Variants in TCP11 observed in about 807,000 individuals in gnomAD.
The protein encoded by TCP11 is t-complex 11.
TCP11 carries 34 observed loss-of-function variants against 45.0 expected under a neutral mutation model. The ratio of observed to expected loss-of-function variants is 0.76; its 90% CI spans 0.57 to 1.01. TCP11 has a LOEUF of 1.01. Ranked by LOEUF, TCP11 falls within the 50% of genes least tolerant of loss-of-function variation. The probability of loss-of-function intolerance (pLI) is 0.00; values close to 1 mark genes in which losing one functional copy is unlikely to be tolerated. For missense variants in TCP11, 523 were observed against 598.1 expected, an observed-to-expected ratio of 0.87 and a Z score of 1.31; for synonymous variants, 227 against 227.0, an observed-to-expected ratio of 1.00 and a Z score of 0.00.
Position 35,118,521 on chromosome 6 carries a change from C to T in TCP11, c.1280-20G>A, listed in dbSNP as rs1332810949. ...GCTGATCTGTGAGCAGGAAAAGACA[C>T]TGATAAGGGAAAAGGCAAACAGATT... is the stretch of plus-strand genomic sequence containing the variant. On this transcript the variant is annotated intron_variant, in intron 9 of 9. Transcript: ENST00000311875. 2 of 1,606,194 alleles carry T rather than the reference C, an allele frequency of 1.2e-6. No homozygotes were observed. Among genetic ancestry groups the T allele is most frequent in the East Asian group, 2.2e-5 (1 of 44,840 alleles).
At chr6:35,130,731 T>C (rs1407982055) in intron 3 of TCP11, among the ~76,000 whole-genome samples, 1 of 152,106 alleles carries the variant, frequency 6.6e-6, no homozygotes, top group Non-Finnish European at 1.5e-5. Context: ...CTGACCAGGA[T>C]ATAGAGAAAT....
intron 5 of TCP11, among the ~76,000 whole-genome samples, chr6:35,121,879 T>C (rs1410315015): frequency 1.3e-5 from 2 of 151,412 alleles, no homozygotes; most frequent in Admixed American, 1.3e-4. Context: ...AAGTATGTAC[T>C]GTAGTGTCTT....
At chr6:35,139,256 C>A (rs1781455287) in intron 2 of TCP11, among the ~76,000 whole-genome samples, 1 of 150,766 alleles carries the variant, frequency 6.6e-6, no homozygotes, top group South Asian at 2.1e-4. Context: ...CAAGACGTTG[C>A]AATTTTAAAA....
At chr6:35,134,289 TTTTTTGG>T (rs1780802892) in intron 3 of TCP11, among the ~76,000 whole-genome samples, 1 of 140,218 alleles carries the variant, frequency 7.1e-6, no homozygotes. Flanking sequence ...TTTTTTTTTT[TTTTTTGG>T]TTTTGTTTTG....
chr6:35,129,185 A>G lies in TCP11; in HGVS notation c.237-3T>C, dbSNP rs763626598. 17 of 1,611,478 alleles carry G rather than the reference A, an allele frequency of 1.1e-5. No homozygotes were observed. Among genetic ancestry groups the G allele is most frequent in the Admixed American group, 6.8e-5 (4 of 59,240 alleles). ...TCTCCTTGACCTTGCCTTCCAGACTATAAGAGGGTTAAATGAGCAGATTAC... is the reference window on the plus strand; with the variant it reads ...TCTCCTTGACCTTGCCTTCCAGACTGTAAGAGGGTTAAATGAGCAGATTAC... On this transcript the variant is annotated splice_region_variant and splice_polypyrimidine_tract_variant and intron_variant, in intron 3 of 9. Coordinates refer to ENST00000311875, the MANE Select transcript of TCP11 (RefSeq NM_001370687.1).
intron 3 of TCP11, among the ~76,000 whole-genome samples, chr6:35,134,480 C>T (rs907682380): frequency 5.9e-5 from 9 of 151,808 alleles, no homozygotes; most frequent in African/African-American, 2.2e-4. Flanking sequence ...AGGGTTTCAC[C>T]ATGTTGGCCA....
At chr6:35,140,953 TG>T in intron 1 of TCP11, 69 bp from the exon 2 acceptor site, 1 of 562,956 alleles carries the variant, frequency 1.8e-6, no homozygotes, top group Non-Finnish European at 2.3e-6. Context: ...AGGGGGTCCC[TG>T]GGGGCGGCGG....
rs150752841 is a variant in TCP11 at position 35,122,303 on chromosome 6, C to T, written c.392G>A (p.Arg131His). ...AGCTTCTTCAATCTCAATTCTCAGG[C>T]GGTTCTGGCGTGGTAATAGCAGTGA... is the stretch of plus-strand genomic sequence containing the variant. The part of the protein sequence containing the change: ...LLSLLLPRQN[R>H]LRIEIEEALD... The change falls in exon 5 of 10, where the codon CGC (arginine) becomes CAC (histidine). Residue 131 changes from arginine to histidine, a missense_variant. Physicochemically the swap from Arg to His is conservative, Grantham distance 29. This residue lies in a region of TCP11 where 225 missense variants were observed against 210.2 expected (regional missense o/e 1.07). Transcript: ENST00000311875. The T allele has an allele frequency of 1.2e-5, 20 of 1,613,940 alleles. No individual in the cohort carries two copies. The highest frequency in any genetic ancestry group is 1.2e-4 in the African/African-American group (9 of 74,874).
intron 4 of TCP11, among the ~76,000 whole-genome samples, chr6:35,125,636 T>C (rs1376272230): frequency 1.3e-5 from 2 of 152,168 alleles, no homozygotes; most frequent in South Asian, 2.1e-4. Context: ...AGAATTACCA[T>C]AGGATCCAAC....
Position 35,118,319 on chromosome 6 carries a change from T to C in TCP11, c.1462A>G (p.Thr488Ala). The part of the protein sequence containing the change: ...FGPYYTEILK[T>A]LISPAQALET... Reference sequence around the variant, plus strand: ...AGTGCCTGGGCTGGGGAAATGAGGGTTTTTAGGATCTCAGTGTAGTAGGGA... The same window carrying C: ...AGTGCCTGGGCTGGGGAAATGAGGGCTTTTAGGATCTCAGTGTAGTAGGGA... Residue 488 changes from threonine (T) to alanine (A), a missense_variant, in exon 10 of 10, where the codon ACC becomes GCC. This residue lies in a region of TCP11 where 298 missense variants were observed against 387.9 expected (regional missense o/e 0.77). Coordinates refer to ENST00000311875, the MANE Select transcript of TCP11 (RefSeq NM_001370687.1). 1 of 1,613,576 alleles carries C rather than the reference T, an allele frequency of 6.2e-7. No individual in the cohort carries two copies. The highest frequency in any genetic ancestry group is 8.5e-7 in the Non-Finnish European group (1 of 1,179,886).
intron 4 of TCP11, among the ~76,000 whole-genome samples, chr6:35,123,927 A>G (rs1436076255): frequency 6.6e-6 from 1 of 151,938 alleles, no homozygotes; most frequent in Non-Finnish European, 1.5e-5. Context: ...AGCTGGAACT[A>G]CAGGTATGAC....
chr6:35,139,201 T>TAAA (rs11431249), intron 2 of TCP11, among the ~76,000 whole-genome samples: 1 of 131,774 alleles, frequency 7.6e-6, no homozygotes, highest in Non-Finnish European at 1.7e-5. Flanking sequence ...AGCTAGTTTA[T>TAAA]AAAAAAAAAA....
In TCP11 at chr6:35,120,307, G is replaced by T. The variant is rs1581797591; in HGVS notation, c.967C>A (p.Leu323Met). Residue 323 changes from leucine to methionine, a missense_variant, in exon 8 of 10, where the codon CTG becomes ATG. Physicochemically the swap from Leu to Met is conservative, Grantham distance 15 (BLOSUM62 2). Around this residue, in one of 2 missense-constraint regions of TCP11, gnomAD observed 298 missense variants for 387.9 expected, o/e 0.77. Coordinates refer to ENST00000311875, the MANE Select transcript of TCP11 (RefSeq NM_001370687.1). The surrounding 1 kb of genome is among the most constrained non-coding windows in gnomAD (Gnocchi z 4.9). ...GTTAACTGGTGCAACTGGGACTTCA[G>T]CTCCTGCAGCCGGGTTCTGTCCATC... ...LLMDRTRLQELKSQLHQLTVM... is the reference protein window; with the variant it reads ...LLMDRTRLQEMKSQLHQLTVM... 6.2e-7 allele frequency: 1 copy of T among 1,614,170 alleles called. No individual in the cohort carries two copies. Among genetic ancestry groups the T allele is most frequent in the Middle Eastern group, 1.7e-4 (1 of 6,060 alleles).
chr6:35,124,885 T>A (rs1437528424), intron 4 of TCP11, among the ~76,000 whole-genome samples: 3 of 151,310 alleles, frequency 2.0e-5, no homozygotes, highest in African/African-American at 7.3e-5. Context: ...ATAAAAAATA[T>A]ATATATATAT....
At chr6:35,131,084 C>A (rs556045461) in intron 3 of TCP11, among the ~76,000 whole-genome samples, 4 of 152,084 alleles carry the variant, frequency 2.6e-5, no homozygotes, top group Non-Finnish European at 5.9e-5. Flanking sequence ...ACCAGCCTGA[C>A]CAACATGGTG....
At chr6:35,121,165 C>G in intron 5 of TCP11, 120 bp from the exon 6 acceptor site, 4 of 1,225,918 alleles carry the variant, frequency 3.3e-6, no homozygotes, top group Non-Finnish European at 4.4e-6. Flanking sequence ...TTACCTCCTA[C>G]ATTTTCAGAA....
chr6:35,122,090 T>A lies in TCP11; in HGVS notation c.578+27A>T, dbSNP rs750780613. The stretch of plus-strand genomic sequence containing the variant: ...TCCGGGCTCAGGGGCTAAAGCAGGT[T>A]TTTGGGGGCAGTATCAAGTTTCATA... On this transcript the variant is annotated intron_variant, in intron 5 of 9. Coordinates refer to ENST00000311875, the MANE Select transcript of TCP11 (RefSeq NM_001370687.1). 2.5e-6 allele frequency: 4 copies of A among 1,612,486 alleles called. No homozygotes were observed. In the African/African-American group the frequency reaches 5.3e-5, roughly 22 times the overall value.
intron 2 of TCP11, among the ~76,000 whole-genome samples, chr6:35,138,446 G>C (rs186911618): frequency 3.1e-4 from 47 of 152,282 alleles, no homozygotes; most frequent in Non-Finnish European, 5.6e-4. Flanking sequence ...TGGAACAGGA[G>C]GTCATTATGT....
chr6:35,133,324 GCAC>G (rs1265977323), intron 3 of TCP11, among the ~76,000 whole-genome samples: 1 of 151,892 alleles, frequency 6.6e-6, no homozygotes, highest in Non-Finnish European at 1.5e-5. Flanking sequence ...CTACAGGCGT[GCAC>G]CACCACATTT....
Sources: gnomAD v4.1 joint callset for allele counts (sites outside exome capture counted in the v4.1 genomes callset) on GRCh38, gnomAD v4.1.1 for gene constraint, gnomAD v4.1.1 regional missense constraint, Gnocchi (gnomAD v3.1) non-coding constraint, MANE v1.5 for transcripts, NCBI Gene and HGNC (gene_info 2026-07-23, HGNC 2026-07-21) for gene names.